Variants in B3GALT1 observed in about 807,000 individuals in gnomAD.
The protein encoded by B3GALT1 is UDP-Gal:betaGlcNAc beta 1,3-galactosyltransferase, polypeptide 1.
In B3GALT1, 10 loss-of-function variants were observed where a neutral mutation model predicts 23.2. That is an observed-to-expected ratio of 0.43 (90% CI 0.27 to 0.73). B3GALT1 has a LOEUF of 0.73. Among genes scored for constraint, B3GALT1 ranks in the 30% least tolerant of loss-of-function variants. The pLI, the probability that B3GALT1 is intolerant of heterozygous loss-of-function variation, is 0.21. For synonymous variants in B3GALT1, 156 were observed against 141.5 expected (o/e 1.10, Z -0.73); for missense variants, 299 against 405.4 (o/e 0.74, Z 2.25).
At chr2:167,345,239 T>A (rs1433503732) in intron 1 of B3GALT1, among the ~76,000 whole-genome samples, 1 of 152,070 alleles carries the variant, frequency 6.6e-6, no homozygotes, top group African/African-American at 2.4e-5. Flanking sequence ...AGCTTAGCAT[T>A]CTTATGATAG....
chr2:167,643,037 T>C (rs6742796), intron 2 of B3GALT1, among the ~76,000 whole-genome samples: 102,764 of 152,058 alleles, frequency 0.68, 35,616 homozygotes, highest in Admixed American at 0.76. Flanking sequence ...TAAAGTTGCT[T>C]GGAGCTGCAG....
chr2:167,726,710 T>A (rs974397543), intron 3 of B3GALT1, among the ~76,000 whole-genome samples: 2 of 152,258 alleles, frequency 1.3e-5, no homozygotes, highest in Non-Finnish European at 2.9e-5. Context: ...ATTAATAACA[T>A]GTCTAATTTA....
intron 1 of B3GALT1, among the ~76,000 whole-genome samples, chr2:167,314,123 T>G (rs1324208488): frequency 1.3e-5 from 2 of 152,104 alleles, no homozygotes; most frequent in Non-Finnish European, 2.9e-5. Flanking sequence ...GTGAACATTT[T>G]CAAATGCTCC....
intron 1 of B3GALT1, among the ~76,000 whole-genome samples, chr2:167,400,166 C>CTGTGTGTGTATG (rs1553517154): frequency 1.4e-5 from 2 of 145,696 alleles, no homozygotes; most frequent in African/African-American, 2.5e-5. Flanking sequence ...ACATCTATGT[C>CTGTGTGTGTATG]TGTGTGTGTG....
At chr2:167,864,206 G>A (rs187722838) in intron 4 of B3GALT1, among the ~76,000 whole-genome samples, 76 of 152,182 alleles carry the variant, frequency 5.0e-4, no homozygotes, top group Non-Finnish European at 7.2e-4. Flanking sequence ...ACAGTGTGTA[G>A]GAAACTAGAA....
At chr2:167,428,785 C>T (rs1021507254) in intron 1 of B3GALT1, among the ~76,000 whole-genome samples, 11 of 152,066 alleles carry the variant, frequency 7.2e-5, no homozygotes, top group African/African-American at 2.7e-4. Context: ...ATGGCTGCTC[C>T]TTAGAGTATT....
intron 3 of B3GALT1, among the ~76,000 whole-genome samples, chr2:167,804,888 T>G (rs1047300932): frequency 3.9e-5 from 6 of 152,220 alleles, no homozygotes; most frequent in African/African-American, 1.2e-4. Flanking sequence ...TCAAGATCCC[T>G]GAGGAATCGC....
intron 4 of B3GALT1, among the ~76,000 whole-genome samples, chr2:167,848,913 C>G (rs912865814): frequency 1.3e-5 from 2 of 149,922 alleles, no homozygotes; most frequent in Non-Finnish European, 2.9e-5. Context: ...ATACAAGAAT[C>G]AGTAGCTCTT....
intron 1 of B3GALT1, among the ~76,000 whole-genome samples, chr2:167,294,530 C>G (rs1696317799): frequency 6.6e-6 from 1 of 152,214 alleles, no homozygotes; most frequent in Non-Finnish European, 1.5e-5. Flanking sequence ...GTTCTCCATC[C>G]CTGCTCAGGA....
chr2:167,385,711 G>C (rs982935325), intron 1 of B3GALT1, among the ~76,000 whole-genome samples: 4 of 152,200 alleles, frequency 2.6e-5, no homozygotes, highest in African/African-American at 9.6e-5. Flanking sequence ...TAACTTCAGA[G>C]ATGCTGCCGT....
intron 3 of B3GALT1, among the ~76,000 whole-genome samples, chr2:167,777,804 G>C (rs893530144): frequency 1.3e-5 from 2 of 152,132 alleles, no homozygotes; most frequent in African/African-American, 2.4e-5. Flanking sequence ...TCATAGCACT[G>C]AGTAGATATA....
chr2:167,465,247 G>T (rs1001140418), intron 1 of B3GALT1, among the ~76,000 whole-genome samples: 1 of 152,116 alleles, frequency 6.6e-6, no homozygotes, highest in Non-Finnish European at 1.5e-5. Flanking sequence ...GGTTCCAACA[G>T]TCTGTTGCCC....
chr2:167,601,812 TTG>T (rs1684883063), intron 2 of B3GALT1, among the ~76,000 whole-genome samples: 1 of 152,230 alleles, frequency 6.6e-6, no homozygotes, highest in Non-Finnish European at 1.5e-5. Flanking sequence ...CTGTATGTGA[TTG>T]TGTCAACCCT....
intron 2 of B3GALT1, among the ~76,000 whole-genome samples, chr2:167,514,469 G>T (rs557185920): frequency 3.5e-4 from 53 of 152,172 alleles, no homozygotes; most frequent in Non-Finnish European, 4.7e-4. Context: ...TTCCTGCCTT[G>T]CAATCTCCCT....
At chr2:167,372,264 A>G (rs1475216508) in intron 1 of B3GALT1, among the ~76,000 whole-genome samples, 2 of 152,140 alleles carry the variant, frequency 1.3e-5, no homozygotes, top group African/African-American at 4.8e-5. Flanking sequence ...TTAATGCAGA[A>G]AAAGCAATTG....
intron 3 of B3GALT1, among the ~76,000 whole-genome samples, chr2:167,810,620 G>A (rs902946395): frequency 1.3e-5 from 2 of 150,930 alleles, no homozygotes; most frequent in African/African-American, 5.0e-5. Flanking sequence ...CCAGCCATCT[G>A]TGTATTACAA....
intron 3 of B3GALT1, among the ~76,000 whole-genome samples, chr2:167,792,602 A>G (rs1688455602): frequency 6.6e-6 from 1 of 152,224 alleles, no homozygotes; most frequent in Non-Finnish European, 1.5e-5. Flanking sequence ...AAAACTTGGC[A>G]GGAACCAGAT....
intron 2 of B3GALT1, among the ~76,000 whole-genome samples, chr2:167,521,984 G>GTGTATA (rs1553464197): frequency 1.6e-5 from 2 of 122,636 alleles, no homozygotes; most frequent in African/African-American, 6.0e-5. Flanking sequence ...GTGTGTGTGT[G>GTGTATA]TATATATATA....
intron 1 of B3GALT1, among the ~76,000 whole-genome samples, chr2:167,294,134 G>A (rs555789047): frequency 3.8e-4 from 58 of 152,278 alleles, no homozygotes; most frequent in African/African-American, 1.3e-3. Context: ...GGCAGAGCGG[G>A]GCTCCGACGC....
Sources: gnomAD v4.1 joint callset for allele counts (sites outside exome capture counted in the v4.1 genomes callset) on GRCh38, gnomAD v4.1.1 for gene constraint, MANE v1.5 for transcripts, NCBI Gene and HGNC (gene_info 2026-07-23, HGNC 2026-07-21) for gene names.